The following ATM variants were observed in gnomAD, a reference collection of about 807,000 sequenced individuals.
ATM encodes the protein serine-protein kinase ATM.
In ATM, 308 loss-of-function variants were observed where a neutral mutation model predicts 387.0. The ratio of observed to expected loss-of-function variants is 0.80; its 90% CI spans 0.73 to 0.87. The LOEUF (loss-of-function observed/expected upper bound fraction) is 0.87. Ranked by LOEUF, ATM falls within the 40% of genes least tolerant of loss-of-function variation. The pLI is 0.00. For synonymous variants in ATM, 1,156 were observed against 1,187.3 expected (o/e 0.97, Z 0.54); for missense variants, 3,312 against 3,560.9 (o/e 0.93, Z 1.78).
intron 5 of ATM, among the ~76,000 whole-genome samples, chr11:108,239,285 C>T (rs1259354833): frequency 6.6e-6 from 1 of 152,202 alleles, no homozygotes; most frequent in Non-Finnish European, 1.5e-5. Context: ...AATGCTGGCA[C>T]CTGAGCTGCT....
chr11:108,302,851 A>C lies in ATM; in HGVS notation c.5320-2A>C, dbSNP rs1400417135. On this transcript the variant is annotated splice_acceptor_variant, in intron 35 of 62. Transcript: ENST00000675843. LOFTEE classifies it high-confidence loss of function. ...TACATTTTCTAATCCCTTTCTTTCT[A>C]GTTTTTAGAAGTACCCAGATTTGAC... The C allele has an allele frequency of 1.2e-6, 2 of 1,608,746 alleles. No homozygotes were observed. Among genetic ancestry groups the C allele is most frequent in the South Asian group, 2.2e-5 (2 of 90,908 alleles).
chr11:108,237,823 A>G (rs958168193), intron 5 of ATM, among the ~76,000 whole-genome samples: 3 of 151,002 alleles, frequency 2.0e-5, no homozygotes, highest in Admixed American at 6.6e-5. Flanking sequence ...CTGTTGCACA[A>G]TTTGAGAAGA....
intron 22 of ATM, among the ~76,000 whole-genome samples, chr11:108,277,550 G>A (rs1014710239): frequency 1.2e-4 from 19 of 152,202 alleles, no homozygotes; most frequent in African/African-American, 2.7e-4. Flanking sequence ...CGGGAAAAGC[G>A]TAGTATCTGG....
intron 18 of ATM, among the ~76,000 whole-genome samples, chr11:108,269,485 A>G (rs1302947188): frequency 6.6e-6 from 1 of 152,158 alleles, no homozygotes; most frequent in Admixed American, 6.6e-5. Flanking sequence ...TTTCTGTCCA[A>G]ATTTATAAAT....
At chr11:108,229,365 T>A (rs201887139) in intron 4 of ATM, 42 bp downstream of exon 4, 7 of 1,537,798 alleles carry the variant, frequency 4.6e-6, no homozygotes, top group Admixed American at 3.8e-5. Flanking sequence ...CTTAACAGAT[T>A]ACTGTCGCGT....
intron 14 of ATM, 23 bp from the exon 15 acceptor site, chr11:108,257,458 A>G (rs2135405123): frequency 1.9e-6 from 3 of 1,610,508 alleles, no homozygotes; most frequent in East Asian, 4.5e-5. Context: ...TGGAATTTGC[A>G]TTTTTCCTTC....
intron 60 of ATM, 109 bp from the exon 61 acceptor site, chr11:108,354,702 G>C: frequency 1.0e-6 from 1 of 990,004 alleles, no homozygotes; most frequent in South Asian, 1.3e-5. Context: ...CAGATATGTA[G>C]ATTATTAAGC....
chr11:108,336,880 T>TA (rs1458369380), intron 56 of ATM, among the ~76,000 whole-genome samples: 6 of 148,408 alleles, frequency 4.0e-5, no homozygotes, highest in Non-Finnish European at 7.4e-5. Context: ...GAAATAACAA[T>TA]AAATCCTTAT....
intron 31 of ATM, among the ~76,000 whole-genome samples, chr11:108,294,694 A>G (rs1218550169): frequency 6.6e-6 from 1 of 152,194 alleles, no homozygotes; most frequent in Non-Finnish European, 1.5e-5. Context: ...GAGCCTTGAT[A>G]GCGCCACTGC....
intron 58 of ATM, 132 bp from the exon 59 acceptor site, chr11:108,347,147 C>T (rs2088518992): frequency 8.0e-6 from 6 of 754,102 alleles, no homozygotes; most frequent in Middle Eastern, 2.9e-4. Flanking sequence ...TTATGCACAT[C>T]ATTTAAGTAG....
intron 59 of ATM, 57 bp from the exon 60 acceptor site, chr11:108,353,708 TG>T: frequency 7.3e-7 from 1 of 1,373,318 alleles, no homozygotes; most frequent in East Asian, 2.3e-5. Context: ...ACATTCTAAC[TG>T]GAAAGAAAGT....
intron 4 of ATM, chr11:108,229,926 T>TC (rs1176180643): frequency 6.6e-6 from 1 of 152,382 alleles, no homozygotes; most frequent in Non-Finnish European, 1.5e-5. Flanking sequence ...CAAGCAGTCC[T>TC]CCCCCTGCTC....
At chr11:108,245,077 G>A (rs776509385) in intron 7 of ATM, 51 bp downstream of exon 7, 1 of 1,407,006 alleles carries the variant, frequency 7.1e-7, no homozygotes, top group Non-Finnish European at 9.9e-7. Flanking sequence ...TTCAAACATA[G>A]AAGTCTAAGT....
chr11:108,267,453 A>T, intron 17 of ATM, 111 bp downstream of exon 17: 1 of 924,408 alleles, frequency 1.1e-6, no homozygotes, highest in East Asian at 2.6e-5. Flanking sequence ...CTCTTAGTAT[A>T]GCCTTTTAGG....
intron 22 of ATM, among the ~76,000 whole-genome samples, chr11:108,276,551 G>A (rs1271958100): frequency 1.3e-5 from 2 of 152,152 alleles, no homozygotes; most frequent in East Asian, 1.9e-4. Flanking sequence ...TTTCTGTGTG[G>A]ACATCCTTTT....
intron 54 of ATM, 140 bp from the exon 55 acceptor site, chr11:108,334,829 C>A: frequency 1.0e-6 from 1 of 991,450 alleles, no homozygotes; most frequent in Non-Finnish European, 1.5e-6. Flanking sequence ...CACACCCGGC[C>A]TAAAGTTGTA....
intron 40 of ATM, among the ~76,000 whole-genome samples, chr11:108,313,419 C>A (rs1330119800): frequency 1.3e-5 from 2 of 152,196 alleles, no homozygotes; most frequent in Admixed American, 6.5e-5. Context: ...CATTTCCCCC[C>A]CTTCCATTTA....
chr11:108,232,790 C>T (rs1375462980), intron 4 of ATM, among the ~76,000 whole-genome samples: 1 of 151,722 alleles, frequency 6.6e-6, no homozygotes, highest in African/African-American at 2.4e-5. Flanking sequence ...ATCTGCCTGC[C>T]TCTGCCTTCC....
intron 26 of ATM, among the ~76,000 whole-genome samples, 160 bp downstream of exon 26, chr11:108,284,633 A>C (rs1591647216): frequency 6.6e-6 from 1 of 152,172 alleles, no homozygotes; most frequent in East Asian, 1.9e-4. Flanking sequence ...TTTTTTGGTT[A>C]TGTCGTGTTG....
Sources: gnomAD v4.1 joint callset for allele counts (sites outside exome capture counted in the v4.1 genomes callset) on GRCh38, gnomAD v4.1.1 for gene constraint, MANE v1.5 for transcripts, NCBI Gene and HGNC (gene_info 2026-07-23, HGNC 2026-07-21) for gene names.